DLC1: variants seen among roughly 807,000 people sequenced by gnomAD.
DLC1 encodes rho GTPase-activating protein 7.
A neutral mutation model predicts 140.3 loss-of-function variants in DLC1; 54 were observed. The observed-to-expected ratio is 0.38, with a 90% confidence interval of 0.31 to 0.48. DLC1 has a LOEUF of 0.48. Ranked by LOEUF, DLC1 falls within the 20% of genes least tolerant of loss-of-function variation. DLC1 has a pLI of 0.96. For synonymous variants in DLC1, 986 were observed against 728.1 expected (o/e 1.35, Z -5.70); for missense variants, 2,536 against 1,907.0 (o/e 1.33, Z -6.14).
At chr8:13,263,622 G>T (rs1830556446) in intron 5 of DLC1, among the ~76,000 whole-genome samples, 2 of 150,530 alleles carry the variant, frequency 1.3e-5, no homozygotes, top group Non-Finnish European at 1.5e-5. Flanking sequence ...ATATGTGCAT[G>T]TATATATAAA....
chr8:13,289,936 T>C (rs779852738), intron 5 of DLC1, among the ~76,000 whole-genome samples: 4 of 152,204 alleles, frequency 2.6e-5, no homozygotes, highest in Non-Finnish European at 5.9e-5. Context: ...ATGGCAAATA[T>C]GTGCAACCAT....
intron 2 of DLC1, among the ~76,000 whole-genome samples, chr8:13,449,588 C>A (rs765368629): frequency 7.4e-5 from 11 of 148,942 alleles, no homozygotes; most frequent in Non-Finnish European, 1.5e-4. Flanking sequence ...CCAAACACTG[C>A]ATGTTCTCAC....
At chr8:13,463,726 A>G (rs901984243) in intron 2 of DLC1, among the ~76,000 whole-genome samples, 2 of 152,208 alleles carry the variant, frequency 1.3e-5, no homozygotes, top group African/African-American at 4.8e-5. Context: ...TTCTCTGATG[A>G]GGAAACAGGA....
intron 4 of DLC1, among the ~76,000 whole-genome samples, chr8:13,382,968 A>T (rs1416271724): frequency 6.6e-6 from 1 of 152,218 alleles, no homozygotes; most frequent in Non-Finnish European, 1.5e-5. Context: ...TAAGAAATAC[A>T]CAAAGTTGAA....
At chr8:13,204,560 T>TAC (rs928913640) in intron 5 of DLC1, among the ~76,000 whole-genome samples, 30 of 152,112 alleles carry the variant, frequency 2.0e-4, no homozygotes, top group Non-Finnish European at 3.7e-4. Flanking sequence ...TTTTACTTCA[T>TAC]ACACACACAC....
chr8:13,201,921 G>GTTT (rs35475930), intron 5 of DLC1, among the ~76,000 whole-genome samples: 18 of 101,776 alleles, frequency 1.8e-4, no homozygotes, highest in East Asian at 8.6e-4. Flanking sequence ...TACCCAAAAG[G>GTTT]TTTTTTTTTT....
intron 2 of DLC1, among the ~76,000 whole-genome samples, chr8:13,412,350 C>T (rs1452530702): frequency 1.3e-5 from 2 of 151,942 alleles, no homozygotes; most frequent in South Asian, 2.1e-4. Flanking sequence ...GAGTCTCTAT[C>T]GAAATTTAAA....
intron 1 of DLC1, among the ~76,000 whole-genome samples, chr8:13,560,421 C>G (rs900190731): frequency 6.6e-6 from 1 of 151,968 alleles, no homozygotes; most frequent in Non-Finnish European, 1.5e-5. Flanking sequence ...CGTGTACTCA[C>G]AAGGCCCCCA....
chr8:13,598,853 A>G (rs919522779), intron 1 of DLC1, among the ~76,000 whole-genome samples: 2 of 152,026 alleles, frequency 1.3e-5, no homozygotes, highest in Non-Finnish European at 2.9e-5. Flanking sequence ...AAAATAATTT[A>G]AAACTTTTTT....
chr8:13,204,057 G>A (rs1156559080), intron 5 of DLC1, among the ~76,000 whole-genome samples: 3 of 152,204 alleles, frequency 2.0e-5, no homozygotes, highest in Middle Eastern at 3.4e-3. Context: ...TGTTGGGGTC[G>A]GAGGTGACTT....
intron 2 of DLC1, among the ~76,000 whole-genome samples, chr8:13,477,794 C>A (rs576765795): frequency 2.6e-5 from 4 of 152,026 alleles, no homozygotes; most frequent in African/African-American, 9.6e-5. Flanking sequence ...ATATCCTAAC[C>A]ACCCAACCAA....
intron 5 of DLC1, among the ~76,000 whole-genome samples, chr8:13,128,882 C>G (rs1378355484): frequency 5.8e-5 from 1 of 17,244 alleles, no homozygotes; most frequent in Non-Finnish European, 1.3e-4. Context: ...AATGTGAAGG[C>G]TTTCTTCCTG....
At chr8:13,231,621 A>T (rs1829050626) in intron 5 of DLC1, among the ~76,000 whole-genome samples, 1 of 152,234 alleles carries the variant, frequency 6.6e-6, no homozygotes, top group Non-Finnish European at 1.5e-5. Flanking sequence ...TGTGCATTGC[A>T]AGTCAAAGAT....
chr8:13,373,537 A>G (rs142172917), intron 4 of DLC1, among the ~76,000 whole-genome samples: 1 of 152,342 alleles, frequency 6.6e-6, no homozygotes, highest in African/African-American at 2.4e-5. Flanking sequence ...TACAGAAAAT[A>G]TCAGAATTTG....
At chr8:13,495,735 A>T (rs1326753343) in intron 2 of DLC1, among the ~76,000 whole-genome samples, 1 of 152,222 alleles carries the variant, frequency 6.6e-6, no homozygotes, top group Non-Finnish European at 1.5e-5. Context: ...TAAGAAAACT[A>T]AGCTTTGCAA....
chr8:13,409,581 T>C (rs1040763726), intron 2 of DLC1, among the ~76,000 whole-genome samples: 1 of 152,192 alleles, frequency 6.6e-6, no homozygotes, highest in Admixed American at 6.5e-5. Context: ...TGTAACTGGG[T>C]ATTTTATGTC....
At chr8:13,181,084 C>A (rs934592402) in intron 5 of DLC1, among the ~76,000 whole-genome samples, 39 of 151,970 alleles carry the variant, frequency 2.6e-4, no homozygotes, top group African/African-American at 9.4e-4. Flanking sequence ...ACCTTTCTGG[C>A]CTTTTCTCCA....
intron 2 of DLC1, among the ~76,000 whole-genome samples, chr8:13,423,659 T>C (rs764726015): frequency 5.3e-5 from 8 of 152,218 alleles, no homozygotes; most frequent in African/African-American, 1.4e-4. Context: ...TCTGCTCTGA[T>C]GTGTGCCATT....
At chr8:13,272,366 G>C (rs1318219019) in intron 5 of DLC1, among the ~76,000 whole-genome samples, 2 of 152,028 alleles carry the variant, frequency 1.3e-5, no homozygotes, top group Non-Finnish European at 2.9e-5. Context: ...TCTTGAACCA[G>C]GGAGGTGGAG....
Sources: gnomAD v4.1 joint callset for allele counts (sites outside exome capture counted in the v4.1 genomes callset) on GRCh38, gnomAD v4.1.1 for gene constraint, MANE v1.5 for transcripts, NCBI Gene and HGNC (gene_info 2026-07-23, HGNC 2026-07-21) for gene names.